The following EPG5 variants were observed in gnomAD, a reference collection of about 807,000 sequenced individuals.
The protein encoded by EPG5 is ectopic P granules protein 5 homolog.
A neutral mutation model predicts 302.7 loss-of-function variants in EPG5; 159 were observed. The observed-to-expected ratio is 0.53, with a 90% CI of 0.46 to 0.60. The LOEUF (loss-of-function observed/expected upper bound fraction) is 0.60, where lower values mean the gene tolerates loss of function less well. Among genes scored for constraint, EPG5 ranks in the 20% least tolerant of loss-of-function variants. The pLI is 0.00. For synonymous variants in EPG5, 1,158 were observed against 1,136.8 expected (o/e 1.02, Z -0.37); for missense variants, 2,896 against 3,092.4 (o/e 0.94, Z 1.51).
chr18:45,823,826 A>G, the EPG5 span, among the ~76,000 whole-genome samples: 1 of 152,224 alleles, frequency 6.6e-6, no homozygotes, highest in East Asian at 1.9e-4. Flanking sequence ...GGAGGTCTGC[A>G]CACAGGGAGC....
chr18:45,829,455 G>A, the EPG5 span, among the ~76,000 whole-genome samples: 9 of 152,284 alleles, frequency 5.9e-5, no homozygotes, highest in South Asian at 6.2e-4. Context: ...AGAAAGATTT[G>A]CAGGGAGCAA....
chr18:45,901,208 A>T, intron 25 of EPG5, 41 bp from the exon 26 acceptor site: 1 of 1,552,250 alleles, frequency 6.4e-7, no homozygotes, highest in Non-Finnish European at 8.8e-7. Flanking sequence ...CAATCAGGTG[A>T]ATTAGCAGGA....
At chr18:45,836,909 G>C in the EPG5 span, 2 of 667,590 alleles carry the variant, frequency 3.0e-6, no homozygotes, top group African/African-American at 3.6e-5. Flanking sequence ...GCAGGCTGTA[G>C]AGTGAGGCGA....
In EPG5 at chr18:45,916,006, T is replaced by C. The variant is rs1210376180; in HGVS notation, c.3582+3A>G. ...AAGATAAATTCTCTAACAGGTTAAT[T>C]ACCTTATGTTGTTGGTAGAGTAATT... On this transcript the variant is annotated splice_donor_region_variant and intron_variant, in intron 19 of 43. Coordinates refer to ENST00000282041, the MANE Select transcript of EPG5 (RefSeq NM_020964.3). 1.2e-6 allele frequency: 2 copies of C among 1,604,736 alleles called. No individual in the cohort carries two copies. Among genetic ancestry groups the C allele is most frequent in the Non-Finnish European group, 1.7e-6 (2 of 1,177,290 alleles).
At chr18:45,943,035 A>G (rs1036354399) in intron 9 of EPG5, 126 bp downstream of exon 9, 1 of 918,966 alleles carries the variant, frequency 1.1e-6, no homozygotes, top group African/African-American at 1.6e-5. Flanking sequence ...GAAGAAAAAA[A>G]TCTTAACTAT....
intron 5 of EPG5, 112 bp downstream of exon 5, chr18:45,949,372 T>C: frequency 1.6e-6 from 1 of 612,126 alleles, no homozygotes; most frequent in Non-Finnish European, 2.8e-6. Flanking sequence ...AATTTTATTT[T>C]AAATATTACT....
At position 45,912,371 on chromosome 18, in the gene EPG5, G is replaced by A. The variant is rs1392575107; in HGVS notation, c.3902C>T (p.Thr1301Ile). The A allele has an allele frequency of 6.2e-7, 1 of 1,611,616 alleles. No homozygotes were observed. Among genetic ancestry groups the A allele is most frequent in the African/African-American group, 1.3e-5 (1 of 74,708 alleles). The change falls in exon 22 of 44, where the codon ACA becomes ATA. Residue 1301 changes from threonine to isoleucine, a missense_variant. Thr to Ile is a moderately conservative substitution (Grantham distance 89). Transcript: ENST00000282041. ...TGGCAGGAGGGGGTGATCAGAAGGT[G>A]TGACCAGAGCCTGGTGGGCCCAGCG... ...IYRWAHQALV[T>I]PSDHPLLPLI... is the part of the protein sequence containing the mutation.
intron 23 of EPG5, among the ~76,000 whole-genome samples, chr18:45,909,106 A>C (rs1468201908): frequency 4.6e-5 from 7 of 152,182 alleles, no homozygotes; most frequent in African/African-American, 1.7e-4. Flanking sequence ...GTCTGGCCTG[A>C]CTTTACTCAA....
chr18:45,846,713 G>C (rs2048367671), downstream of EPG5, among the ~76,000 whole-genome samples: 1 of 152,100 alleles, frequency 6.6e-6, no homozygotes, highest in Admixed American at 6.5e-5. Flanking sequence ...TTCAGGGTGA[G>C]TCCACAGTGC....
At position 45,898,289 on chromosome 18, in the gene EPG5, T is replaced by C. The variant is rs9789162; in HGVS notation, c.4809+1115A>G. 3.3e-5 allele frequency among the ~76,000 whole-genome samples: 5 copies of C among 152,358 alleles called. No homozygotes were observed. In the East Asian group the frequency reaches 9.6e-4, roughly 29 times the overall value. On this transcript the variant is annotated intron_variant, in intron 27 of 43. Transcript: ENST00000282041. ...CTGTGCCACTTACGGGCTGTGGCAC[T>C]TCAGGTGAGCAACTTAATTAACTTC...
At chr18:45,805,084 A>G in the EPG5 span, among the ~76,000 whole-genome samples, 1 of 152,106 alleles carries the variant, frequency 6.6e-6, no homozygotes, top group African/African-American at 2.4e-5. Context: ...AAACTACAAT[A>G]ATATATAGAA....
chr18:45,858,623 C>G lies in EPG5; in HGVS notation c.7169G>C (p.Arg2390Thr). The change falls in exon 41 of 44, where the codon AGG becomes ACG. Residue 2390 changes from arginine to threonine, a missense_variant. Coordinates refer to ENST00000282041, the MANE Select transcript of EPG5 (RefSeq NM_020964.3). ...GATGAGCAGCACTTTCATTTCATTC[C>G]TTAAAGTCTGTTCGCTGTTTAAACA... ...LQCLNSEQTLRNEMKVLLILS... is the reference protein window; with the variant it reads ...LQCLNSEQTLTNEMKVLLILS... 6.2e-7 allele frequency: 1 copy of G among 1,614,142 alleles called. No individual in the cohort carries two copies. Among genetic ancestry groups the G allele is most frequent in the Non-Finnish European group, 8.5e-7 (1 of 1,180,026 alleles).
intron 24 of EPG5, among the ~76,000 whole-genome samples, chr18:45,906,114 T>G (rs1358016111): frequency 4.6e-5 from 7 of 152,082 alleles, no homozygotes; most frequent in Admixed American, 1.3e-4. Flanking sequence ...GATATATACC[T>G]CCCCTTCTGA....
chr18:45,937,675 G>A (rs1049448486), intron 10 of EPG5, among the ~76,000 whole-genome samples: 1 of 152,100 alleles, frequency 6.6e-6, no homozygotes, highest in African/African-American at 2.4e-5. Flanking sequence ...CCAAAGTGCT[G>A]GGATTACAGG....
chr18:45,833,994 C>T, the EPG5 span, among the ~76,000 whole-genome samples: 2 of 152,168 alleles, frequency 1.3e-5, no homozygotes, highest in Non-Finnish European at 2.9e-5. Flanking sequence ...CTCCGCAGAG[C>T]ACTGTGTGCT....
chr18:45,854,995 A>G (rs2048484764), intron 43 of EPG5, among the ~76,000 whole-genome samples: 1 of 152,208 alleles, frequency 6.6e-6, no homozygotes, highest in Non-Finnish European at 1.5e-5. Context: ...AATGCTGATC[A>G]TCATTTTTTA....
At chr18:45,916,302 A>C in intron 18 of EPG5, 96 bp from the exon 19 acceptor site, 1 of 1,520,486 alleles carries the variant, frequency 6.6e-7, no homozygotes, top group Non-Finnish European at 8.9e-7. Context: ...TACAAATCCC[A>C]AATCTATTGC....
At chr18:45,872,230 C>T (rs2048886306) in intron 35 of EPG5, among the ~76,000 whole-genome samples, 1 of 152,126 alleles carries the variant, frequency 6.6e-6, no homozygotes, top group Non-Finnish European at 1.5e-5. Flanking sequence ...CAATATTATC[C>T]TCACAAGTAT....
intron 28 of EPG5, among the ~76,000 whole-genome samples, 154 bp from the exon 29 acceptor site, chr18:45,888,061 T>C (rs1015221685): frequency 6.6e-5 from 10 of 152,228 alleles, no homozygotes; most frequent in African/African-American, 2.2e-4. Context: ...ATGGAGTAAA[T>C]ATATGTATCT....
Sources: gnomAD v4.1 joint callset for allele counts (sites outside exome capture counted in the v4.1 genomes callset) on GRCh38, gnomAD v4.1.1 for gene constraint, MANE v1.5 for transcripts, NCBI Gene and HGNC (gene_info 2026-07-23, HGNC 2026-07-21) for gene names.